Variants in NTM observed in about 807,000 individuals in gnomAD.
NTM encodes IgLON family member 2.
NTM carries 13 observed loss-of-function variants against 42.1 expected under a neutral mutation model. That is an observed-to-expected ratio of 0.31 (90% CI 0.20 to 0.49). NTM has a LOEUF of 0.49. Among genes scored for constraint, NTM ranks in the 20% least tolerant of loss-of-function variants. The probability of loss-of-function intolerance (pLI) is 0.99; values close to 1 mark genes in which losing one functional copy is unlikely to be tolerated. For missense variants in NTM, 373 were observed against 452.8 expected (o/e 0.82, Z 1.60); for synonymous variants, 187 against 179.2 (o/e 1.04, Z -0.35).
chr11:132,181,668 G>A (rs1458794421), intron 3 of NTM, among the ~76,000 whole-genome samples: 2 of 152,182 alleles, frequency 1.3e-5, no homozygotes, highest in Admixed American at 1.3e-4. Flanking sequence ...TCCTGCCAGG[G>A]CATTGCATCC....
chr11:131,662,248 C>T (rs899080440), intron 1 of NTM: 2 of 152,136 alleles, frequency 1.3e-5, no homozygotes, highest in Non-Finnish European at 2.9e-5. Flanking sequence ...ACCCAGCTTC[C>T]CCCTCTAAAT....
intron 2 of NTM, among the ~76,000 whole-genome samples, chr11:131,954,277 C>T (rs529513024): frequency 8.5e-5 from 13 of 152,280 alleles, no homozygotes; most frequent in African/African-American, 2.9e-4. Context: ...GTGCAGAAGT[C>T]GGGGAGAGGC....
chr11:131,567,544 C>T (rs2057022497), intron 1 of NTM, among the ~76,000 whole-genome samples: 1 of 152,122 alleles, frequency 6.6e-6, no homozygotes, highest in Admixed American at 6.5e-5. Context: ...AAGCTCTGAC[C>T]TGGAAAGCCT....
At chr11:131,633,307 C>A (rs552260121) in intron 1 of NTM, among the ~76,000 whole-genome samples, 1 of 152,226 alleles carries the variant, frequency 6.6e-6, no homozygotes, top group Non-Finnish European at 1.5e-5. Context: ...CATATTTTAC[C>A]CATCCCTTAT....
chr11:131,413,350 T>G (rs1042322831), intron 1 of NTM, among the ~76,000 whole-genome samples: 1 of 152,252 alleles, frequency 6.6e-6, no homozygotes, highest in African/African-American at 2.4e-5. Context: ...AGGAGCGTGC[T>G]TCCTTTTGCT....
At chr11:132,261,050 G>T (rs1231692246) in intron 4 of NTM, among the ~76,000 whole-genome samples, 1 of 152,182 alleles carries the variant, frequency 6.6e-6, no homozygotes, top group South Asian at 2.1e-4. Flanking sequence ...TTAGCTGCAC[G>T]GTCATGCACA....
intron 3 of NTM, among the ~76,000 whole-genome samples, chr11:132,190,994 A>G (rs2079224817): frequency 6.6e-6 from 1 of 152,282 alleles, no homozygotes; most frequent in African/African-American, 2.4e-5. Context: ...CATGATGTAC[A>G]GAGTGGAATG....
intron 1 of NTM, among the ~76,000 whole-genome samples, chr11:131,381,805 T>C (rs1942713845): frequency 6.6e-6 from 1 of 152,208 alleles, no homozygotes; most frequent in Non-Finnish European, 1.5e-5. Context: ...GAATCACCTC[T>C]GGAGATTGTT....
intron 1 of NTM, among the ~76,000 whole-genome samples, chr11:131,822,224 C>G (rs1592095056): frequency 1.3e-5 from 2 of 152,258 alleles, no homozygotes; most frequent in South Asian, 2.1e-4. Flanking sequence ...CCACTCCCCT[C>G]TCCTCCCTTC....
At chr11:132,064,352 C>CAT (rs893794387) in intron 2 of NTM, among the ~76,000 whole-genome samples, 6 of 152,096 alleles carry the variant, frequency 3.9e-5, no homozygotes, top group African/African-American at 9.7e-5. Context: ...AGCAAAGTTA[C>CAT]ATATATATAT....
chr11:131,534,820 C>A (rs546590470), intron 1 of NTM: 1 of 152,356 alleles, frequency 6.6e-6, no homozygotes, highest in African/African-American at 2.4e-5. Flanking sequence ...TGCTGGAGTG[C>A]CTGGAGCACA....
intron 1 of NTM, among the ~76,000 whole-genome samples, chr11:131,404,370 C>T (rs1945579323): frequency 1.3e-5 from 2 of 152,328 alleles, no homozygotes; most frequent in South Asian, 4.1e-4. Flanking sequence ...CTTGGCCTCC[C>T]TGGCATCGCG....
intron 2 of NTM, among the ~76,000 whole-genome samples, chr11:131,986,273 G>A (rs540872716): frequency 3.3e-5 from 5 of 152,306 alleles, no homozygotes; most frequent in African/African-American, 1.2e-4. Flanking sequence ...AAATAGCATA[G>A]CAGAGATTGG....
At chr11:131,572,585 A>T (rs987999798) in intron 1 of NTM, among the ~76,000 whole-genome samples, 3 of 151,980 alleles carry the variant, frequency 2.0e-5, no homozygotes, top group Admixed American at 2.0e-4. Context: ...TTTCCCTTGG[A>T]TGACTGTGCG....
chr11:132,260,637 T>C (rs2092789721), intron 4 of NTM, among the ~76,000 whole-genome samples: 1 of 152,240 alleles, frequency 6.6e-6, no homozygotes, highest in Non-Finnish European at 1.5e-5. Flanking sequence ...CTGTGGTTTG[T>C]ACAACTAGAC....
intron 1 of NTM, among the ~76,000 whole-genome samples, chr11:131,530,445 ACT>A (rs61236870): frequency 0.021 from 2,995 of 143,318 alleles, 118 homozygotes; most frequent in African/African-American, 0.08. Context: ...AAAAAAAAAG[ACT>A]GACCAGTTCT....
chr11:132,193,028 A>G (rs1294492389), intron 3 of NTM, among the ~76,000 whole-genome samples: 1 of 152,214 alleles, frequency 6.6e-6, no homozygotes, highest in Non-Finnish European at 1.5e-5. Flanking sequence ...CTACAAAGAT[A>G]TTTAGATAAA....
At chr11:131,975,311 A>G (rs10791185) in intron 2 of NTM, among the ~76,000 whole-genome samples, 144,685 of 152,164 alleles carry the variant, frequency 0.95, 68,814 homozygotes, top group East Asian at 1. Context: ...CTCCCAAGTA[A>G]CAGGACTACA....
chr11:132,191,429 C>T (rs1403412159), intron 3 of NTM, among the ~76,000 whole-genome samples: 2 of 152,196 alleles, frequency 1.3e-5, no homozygotes, highest in Non-Finnish European at 2.9e-5. Flanking sequence ...AGCCTTGGCC[C>T]TCTGAACACC....
Sources: allele counts gnomAD v4.1 joint callset (sites outside exome capture counted in the v4.1 genomes callset), GRCh38; gene constraint gnomAD v4.1.1; transcripts MANE v1.5; gene names NCBI Gene and HGNC (gene_info 2026-07-23, HGNC 2026-07-21).